PPM1H: variants seen among roughly 807,000 people sequenced by gnomAD.
PPM1H encodes protein phosphatase, Mg2+/Mn2+ dependent 1H, also known as protein phosphatase 1H.
In PPM1H, 27 loss-of-function variants were observed where a neutral mutation model predicts 54.9. The observed-to-expected ratio is 0.49, with a 90% CI of 0.36 to 0.68. The LOEUF is 0.68. Among genes scored for constraint, PPM1H ranks in the 30% least tolerant of loss-of-function variants. The pLI is 0.00. For missense variants in PPM1H, 596 were observed against 667.8 expected, an observed-to-expected ratio of 0.89 and a Z score of 1.19; for synonymous variants, 305 against 270.8, an observed-to-expected ratio of 1.13 and a Z score of -1.24.
chr12:62,722,507 C>G (rs2076269242), intron 5 of PPM1H, among the ~76,000 whole-genome samples: 1 of 152,124 alleles, frequency 6.6e-6, no homozygotes, highest in Admixed American at 6.5e-5. Context: ...TCATCCTAAC[C>G]ATATTTTGGG....
chr12:62,662,827 A>G (rs979588575), intron 9 of PPM1H, among the ~76,000 whole-genome samples: 3 of 152,196 alleles, frequency 2.0e-5, no homozygotes, highest in African/African-American at 7.2e-5. Flanking sequence ...ACAGGCCTCA[A>G]GCATATATTC....
At chr12:62,843,619 A>G (rs1868841006) in intron 1 of PPM1H, among the ~76,000 whole-genome samples, 1 of 152,260 alleles carries the variant, frequency 6.6e-6, no homozygotes, top group African/African-American at 2.4e-5. Flanking sequence ...GACACTTCAC[A>G]TGGTTTCAGT....
At chr12:62,817,151 C>CAAAAAA (rs1565797674) in intron 2 of PPM1H, among the ~76,000 whole-genome samples, 4 of 58,926 alleles carry the variant, frequency 6.8e-5, no homozygotes, top group East Asian at 4.8e-4. Flanking sequence ...AAAAAAAAAA[C>CAAAAAA]TAAAAAAAAG....
At position 62,867,570 on chromosome 12, in the gene PPM1H, T is replaced by A. The variant is rs930559654; in HGVS notation, c.246-35291A>T. ...AATACATCTTATGAGCACTATTTTTTTTTTTTTTTTTTTTTTTTTTTTTTT... is the reference window on the plus strand; with the variant it reads ...AATACATCTTATGAGCACTATTTTTATTTTTTTTTTTTTTTTTTTTTTTTT... On this transcript the variant is annotated intron_variant, in intron 1 of 9. Coordinates refer to ENST00000228705, the MANE Select transcript of PPM1H (RefSeq NM_020700.2). Among the ~76,000 whole-genome samples the A allele has an allele frequency of 2.7e-3, 249 of 92,056 alleles. 2 individuals are homozygous for A. Among genetic ancestry groups the A allele is most frequent in the African/African-American group, 8.8e-3 (160 of 18,282 alleles). 60.4% of individuals were successfully genotyped at this position (92,056 alleles called of 152,430 possible).
chr12:62,928,306 G>C (rs887473396), intron 1 of PPM1H, among the ~76,000 whole-genome samples: 1 of 152,194 alleles, frequency 6.6e-6, no homozygotes, highest in Non-Finnish European at 1.5e-5. Context: ...TGGAAAGCTA[G>C]TGAAAACCAC....
At chr12:62,665,241 G>A (rs948464395) in intron 9 of PPM1H, among the ~76,000 whole-genome samples, 4 of 152,076 alleles carry the variant, frequency 2.6e-5, no homozygotes, top group African/African-American at 7.2e-5. Flanking sequence ...AGAGATGGGA[G>A]TTTCGCCATG....
Position 62,913,647 on chromosome 12 carries a change from C to G in PPM1H, c.245+20845G>C, listed in dbSNP as rs950851871. Among the ~76,000 whole-genome samples the G allele has an allele frequency of 3.3e-5, 5 of 152,244 alleles. 1 individual carries two copies. The South Asian group carries it at 6.2e-4, about 19-fold the overall frequency. ...AAGAGGTTTGTCTTGTCTTTGTGTA[C>G]TTGGCACCCAGACAAGTTTTTGACA... On this transcript the variant is annotated intron_variant, in intron 1 of 9. Coordinates refer to ENST00000228705, the MANE Select transcript of PPM1H (RefSeq NM_020700.2).
intron 1 of PPM1H, among the ~76,000 whole-genome samples, chr12:62,892,331 T>G (rs1592658380): frequency 6.6e-6 from 1 of 152,266 alleles, no homozygotes; most frequent in East Asian, 1.9e-4. Context: ...ATTCCTTTCA[T>G]CTCTTTGAAG....
At chr12:62,817,743 C>G (rs2076879712) in intron 2 of PPM1H, among the ~76,000 whole-genome samples, 1 of 152,172 alleles carries the variant, frequency 6.6e-6, no homozygotes, top group African/African-American at 2.4e-5. Context: ...AAAAGAATGG[C>G]AAAACCTCAG....
At chr12:62,874,597 A>C (rs1333014114) in intron 1 of PPM1H, among the ~76,000 whole-genome samples, 5 of 152,154 alleles carry the variant, frequency 3.3e-5, no homozygotes, top group Admixed American at 6.6e-5. Context: ...AGCTATTACC[A>C]AGAATTGGGA....
chr12:62,781,218 A>C (rs1327583988), intron 4 of PPM1H, among the ~76,000 whole-genome samples: 1 of 152,218 alleles, frequency 6.6e-6, no homozygotes, highest in Non-Finnish European at 1.5e-5. Flanking sequence ...GAGCTGGATC[A>C]TGTTAGAAAT....
At chr12:62,669,816 G>A (rs1485138791) in intron 8 of PPM1H, among the ~76,000 whole-genome samples, 1 of 151,842 alleles carries the variant, frequency 6.6e-6, no homozygotes, top group Non-Finnish European at 1.5e-5. Context: ...GTGCATGCCT[G>A]TCATCCCAGC....
chr12:62,678,837 T>G (rs563035533), intron 8 of PPM1H, among the ~76,000 whole-genome samples: 150 of 152,158 alleles, frequency 9.9e-4, no homozygotes, highest in African/African-American at 3.4e-3. Context: ...ATTACAGGCA[T>G]GCACCACCAT....
intron 2 of PPM1H, among the ~76,000 whole-genome samples, chr12:62,812,354 T>C (rs1389728364): frequency 6.6e-6 from 1 of 152,196 alleles, no homozygotes; most frequent in African/African-American, 2.4e-5. Flanking sequence ...ATATTCATTC[T>C]AACAAATGTT....
chr12:62,740,155 A>G (rs1404693098), intron 4 of PPM1H, among the ~76,000 whole-genome samples: 1 of 152,208 alleles, frequency 6.6e-6, no homozygotes, highest in African/African-American at 2.4e-5. Flanking sequence ...TAAGAACCTA[A>G]GCCTCAGAAA....
chr12:62,672,593 G>T (rs2075962649), intron 8 of PPM1H, among the ~76,000 whole-genome samples: 1 of 152,138 alleles, frequency 6.6e-6, no homozygotes, highest in African/African-American at 2.4e-5. Flanking sequence ...TGCAAGTGGT[G>T]GGGGGAATCT....
At chr12:62,893,615 C>G (rs1870877346) in intron 1 of PPM1H, among the ~76,000 whole-genome samples, 1 of 151,790 alleles carries the variant, frequency 6.6e-6, no homozygotes, top group Admixed American at 6.6e-5. Context: ...TGCCACCATG[C>G]CTGGCTAATA....
intron 1 of PPM1H, among the ~76,000 whole-genome samples, chr12:62,929,270 A>G (rs1872059675): frequency 6.6e-6 from 1 of 152,190 alleles, no homozygotes; most frequent in Non-Finnish European, 1.5e-5. Context: ...TGCTGGACAC[A>G]TAGTAGGAGT....
In PPM1H at chr12:62,838,920, C is replaced by CAAA. The variant is rs71278269; in HGVS notation, c.246-6644_246-6642dup. On this transcript the variant is annotated intron_variant, in intron 1 of 9. Transcript: ENST00000228705. The stretch of plus-strand genomic sequence containing the variant: ...TGGGCGACAGAGCGAGACTCCGTCT[C>CAAA]AAAAAAAAAAAAAAAAAAAAAAAAA... Among the ~76,000 whole-genome samples the CAAA allele has an allele frequency of 8.8e-3, 292 of 33,306 alleles. 20 individuals carry two copies. Among genetic ancestry groups the CAAA allele is most frequent in the Admixed American group, 1.0e-2 (17 of 1,708 alleles). The allele number at this position is 33,306 out of a possible 152,430, so 21.9% of individuals were successfully genotyped here. A position where few individuals can be genotyped will look rare whatever the true frequency, so the allele number is the denominator to read the frequency against.
Sources: allele counts gnomAD v4.1 joint callset (sites outside exome capture counted in the v4.1 genomes callset), GRCh38; gene constraint gnomAD v4.1.1; transcripts MANE v1.5; gene names NCBI Gene and HGNC (gene_info 2026-07-23, HGNC 2026-07-21).